The following DEFB119 variants were observed in gnomAD, a reference collection of about 807,000 sequenced individuals.
The protein encoded by DEFB119 is beta-defensin 119.
Under a neutral mutation model 2.5 loss-of-function variants are expected in DEFB119, and 3 were observed. The ratio of observed to expected loss-of-function variants is 1.19; its 90% CI spans 0.54 to 3.07. The LOEUF is 3.07. DEFB119 is among the 30% of genes most tolerant of loss of function. The pLI is 0.03. For missense variants in DEFB119, 113 were observed against 101.1 expected, an observed-to-expected ratio of 1.12 and a Z score of -0.50; for synonymous variants, 29 against 33.7, an observed-to-expected ratio of 0.86 and a Z score of 0.48.
intron 1 of DEFB119, among the ~76,000 whole-genome samples, chr20:31,381,852 C>A (rs1248263650): frequency 6.6e-6 from 1 of 152,044 alleles, no homozygotes; most frequent in Non-Finnish European, 1.5e-5. Flanking sequence ...AAAGAAATAG[C>A]CAATCACAAA....
intron 1 of DEFB119, chr20:31,388,959 C>A (rs1292295760): frequency 6.3e-7 from 1 of 1,577,818 alleles, no homozygotes; most frequent in Non-Finnish European, 8.6e-7. Flanking sequence ...GATTGACAGA[C>A]ACCAGAAACA....
At chr20:31,381,460 A>C (rs1986502777) in intron 1 of DEFB119, among the ~76,000 whole-genome samples, 1 of 152,252 alleles carries the variant, frequency 6.6e-6, no homozygotes, top group Non-Finnish European at 1.5e-5. Context: ...ATGGCTAGAA[A>C]TACTCAGAAC....
chr20:31,387,271 A>T (rs1986742867), intron 1 of DEFB119, among the ~76,000 whole-genome samples: 1 of 152,186 alleles, frequency 6.6e-6, no homozygotes, highest in African/African-American at 2.4e-5. Context: ...ATGTGCAATT[A>T]TTATTTGTGA....
At chr20:31,380,208 C>T (rs1235037451) in intron 1 of DEFB119, among the ~76,000 whole-genome samples, 4 of 152,028 alleles carry the variant, frequency 2.6e-5, no homozygotes, top group African/African-American at 9.7e-5. Context: ...TGTTTTTTCC[C>T]ATGCTTTCTT....
rs748251419 is a variant in DEFB119 at position 31,390,426 on chromosome 20, A to C, written c.58T>G (p.Ser20Ala). 6.2e-7 allele frequency: 1 copy of C among 1,612,782 alleles called. No homozygotes were observed. The highest frequency in any genetic ancestry group is 8.5e-7 in the Non-Finnish European group (1 of 1,179,474). The change falls in exon 1 of 2, where the codon TCA becomes GCA. Residue 20 changes from serine (S) to alanine (A), a missense_variant. Physicochemically the swap from Ser to Ala is moderately conservative, Grantham distance 99. Coordinates refer to ENST00000376321, the MANE Select transcript of DEFB119 (RefSeq NM_153289.4). ...ILLAIEEPVI[S>A]GKRHILRCMG... ...CCCCGAGAGAGGTTCACGTTACCTG[A>C]TATCACTGGTTCTTCTATGGCCAGA...
chr20:31,390,311 C>T lies in DEFB119; in HGVS notation c.61+112G>A, dbSNP rs149180417. On this transcript the variant is annotated intron_variant, in intron 1 of 1. Coordinates refer to ENST00000376321, the MANE Select transcript of DEFB119 (RefSeq NM_153289.4). ...TTGAGATGATCCTGGGCAAACCTCC[C>T]GAAGCTGCAGGAGAGAAGGAAAGGC... 397 of 1,019,622 alleles carry T rather than the reference C, an allele frequency of 3.9e-4. 3 individuals are homozygous for T. Among genetic ancestry groups the T allele is most frequent in the Non-Finnish European group, 4.9e-4 (324 of 658,988 alleles). 63.2% of individuals were successfully genotyped at this position (1,019,622 alleles called of 1,614,324 possible).
At position 31,381,792 on chromosome 20, in the gene DEFB119, C is replaced by T. The variant is rs146802870; in HGVS notation, c.62-4353G>A. On this transcript the variant is annotated intron_variant, in intron 1 of 1. Coordinates refer to ENST00000376321, the MANE Select transcript of DEFB119 (RefSeq NM_153289.4). ...CACCACTGCACTCCAGCCTGGGCGA[C>T]AGAGCCAGACACTGTCTCAAAAAAA... is the stretch of plus-strand genomic sequence containing the variant. Among the ~76,000 whole-genome samples the T allele has an allele frequency of 1.6e-3, 235 of 151,476 alleles. No individual in the cohort carries two copies. In the East Asian group the frequency reaches 0.019, roughly 12 times the overall value.
rs570492155 is a variant in DEFB119, at chr20:31,378,515, T to C, written c.62-1076A>G. On this transcript the variant is annotated intron_variant, in intron 1 of 1. Transcript: ENST00000376321. ...CTCATCATACTGAGAACCAGGAAAA[T>C]CTTAACTTTAATGAAAAAAAAGACA... 734 of 1,455,148 alleles carry C rather than the reference T, an allele frequency of 5.0e-4. 6 individuals are homozygous for C. The South Asian group carries it at 8.8e-3, about 17-fold the overall frequency. The allele number at this position is 1,455,148 out of a possible 1,614,324, so 90.1% of individuals were successfully genotyped here.
chr20:31,377,502 C>T (rs769607917), intron 1 of DEFB119, 63 bp from the exon 2 acceptor site: 97 of 1,523,252 alleles, frequency 6.4e-5, no homozygotes, highest in Middle Eastern at 1.8e-4. Context: ...TCTGATAAGT[C>T]GGGAAGCATC....
chr20:31,378,324 G>A lies in DEFB119; in HGVS notation c.62-885C>T. On this transcript the variant is annotated intron_variant, in intron 1 of 1. Coordinates refer to ENST00000376321, the MANE Select transcript of DEFB119 (RefSeq NM_153289.4). ...CCCCATCCCAACCAAGGCAGTACCA[G>A]AGGAAATACACCTGGACTTCCACCC... The A allele has an allele frequency of 1.9e-6, 3 of 1,614,170 alleles. No homozygotes were observed. The South Asian group carries it at 3.3e-5, about 18-fold the overall frequency.
At chr20:31,379,658 T>C (rs1429178555) in intron 1 of DEFB119, among the ~76,000 whole-genome samples, 1 of 86,506 alleles carries the variant, frequency 1.2e-5, no homozygotes, top group Non-Finnish European at 2.1e-5. Context: ...CACACCCAAC[T>C]AATTTTTTTT....
At chr20:31,389,494 C>T (rs1219699869) in intron 1 of DEFB119, among the ~76,000 whole-genome samples, 1 of 152,084 alleles carries the variant, frequency 6.6e-6, no homozygotes, top group African/African-American at 2.4e-5. Flanking sequence ...CCCCCAACTT[C>T]CTACTCCTTA....
In DEFB119 at chr20:31,384,344, T is replaced by C. The variant is rs7351591; in HGVS notation, c.61+6079A>G. Among the ~76,000 whole-genome samples, 7 of 152,314 alleles carry C rather than the reference T, an allele frequency of 4.6e-5. 1 individual carries two copies. The highest frequency in any genetic ancestry group is 1.7e-4 in the African/African-American group (7 of 41,574). On this transcript the variant is annotated intron_variant, in intron 1 of 1. Transcript: ENST00000376321. ...AGTGCTTGAGGTAATGGATATCCCA[T>C]TTACCCTGATGTGATCAGTATACAC...
At chr20:31,387,476 G>A (rs1986750975) in intron 1 of DEFB119, among the ~76,000 whole-genome samples, 4 of 152,072 alleles carry the variant, frequency 2.6e-5, no homozygotes, top group South Asian at 4.2e-4. Flanking sequence ...CCTCATTTAC[G>A]AGATAGCCCT....
chr20:31,390,292 T>A, intron 1 of DEFB119, 131 bp downstream of exon 1: 1 of 846,680 alleles, frequency 1.2e-6, no homozygotes, highest in Middle Eastern at 2.6e-4. Context: ...TAACTTGAGA[T>A]GATCCTGGGC....
chr20:31,378,510 G>A (rs1986387312), intron 1 of DEFB119: 1 of 1,475,606 alleles, frequency 6.8e-7, no homozygotes, highest in Admixed American at 2.1e-5. Flanking sequence ...TGAGAACCAG[G>A]AAAATCTTAA....
chr20:31,385,160 G>A (rs1986646785), intron 1 of DEFB119, among the ~76,000 whole-genome samples: 1 of 152,090 alleles, frequency 6.6e-6, no homozygotes, highest in Non-Finnish European at 1.5e-5. Flanking sequence ...TCTAAAAGAG[G>A]CAAGGAATGA....
At chr20:31,384,894 A>G (rs988881923) in intron 1 of DEFB119, among the ~76,000 whole-genome samples, 1 of 152,162 alleles carries the variant, frequency 6.6e-6, no homozygotes, top group Admixed American at 6.5e-5. Context: ...ACCTGAGTCA[A>G]TTCTCTCTGC....
chr20:31,379,742 T>C (rs538458122), intron 1 of DEFB119, among the ~76,000 whole-genome samples: 37 of 151,636 alleles, frequency 2.4e-4, no homozygotes, highest in African/African-American at 8.5e-4. Context: ...CTCAGCTCAC[T>C]GCAAGCTCTG....
Sources: allele counts gnomAD v4.1 joint callset (sites outside exome capture counted in the v4.1 genomes callset), GRCh38; gene constraint gnomAD v4.1.1; transcripts MANE v1.5; gene names NCBI Gene and HGNC (gene_info 2026-07-23, HGNC 2026-07-21).